GALNT14: variants seen among roughly 807,000 people sequenced by gnomAD.
GALNT14 encodes polypeptide N-acetylgalactosaminyltransferase 14, also known as UDP-GalNAc:polypeptide N-acetylgalactosaminyltransferase 14.
A neutral mutation model predicts 77.5 loss-of-function variants in GALNT14; 60 were observed. That is an observed-to-expected ratio of 0.77 (90% confidence interval 0.63 to 0.96). GALNT14 has a LOEUF of 0.96. Among genes scored for constraint, GALNT14 ranks in the 40% least tolerant of loss-of-function variants. The pLI is 0.00. For synonymous variants in GALNT14, 280 were observed against 281.7 expected, an observed-to-expected ratio of 0.99 and a Z score of 0.06; for missense variants, 710 against 731.0, an observed-to-expected ratio of 0.97 and a Z score of 0.33.
At chr2:31,075,259 C>T (rs1675691729) in intron 1 of GALNT14, among the ~76,000 whole-genome samples, 1 of 152,220 alleles carries the variant, frequency 6.6e-6, no homozygotes, top group Non-Finnish European at 1.5e-5. Context: ...ATGCCAGCAC[C>T]ACATTTCCTG....
intron 2 of GALNT14, among the ~76,000 whole-genome samples, chr2:30,981,631 C>T (rs536388177): frequency 2.7e-5 from 4 of 146,412 alleles, no homozygotes; most frequent in African/African-American, 1.0e-4. Flanking sequence ...GGGAAGTCTG[C>T]GAGGGGAAAG....
chr2:31,022,551 C>A (rs1029351547), intron 1 of GALNT14, among the ~76,000 whole-genome samples: 4 of 152,132 alleles, frequency 2.6e-5, no homozygotes, highest in African/African-American at 9.7e-5. Context: ...AACACTGCTA[C>A]AAAACAACGT....
At chr2:31,020,834 TC>T (rs57045635) in intron 1 of GALNT14, among the ~76,000 whole-genome samples, 2,576 of 152,334 alleles carry the variant, frequency 0.017, 75 homozygotes, top group African/African-American at 0.057. Flanking sequence ...CTTCAGCTGC[TC>T]TGAAGGGAGT....
At chr2:30,911,620 C>T (rs1192431671) in intron 14 of GALNT14, among the ~76,000 whole-genome samples, 1 of 152,176 alleles carries the variant, frequency 6.6e-6, no homozygotes, top group Non-Finnish European at 1.5e-5. Context: ...GTCACAGCTG[C>T]CCTGTGTAGT....
chr2:31,050,770 TTTTG>T (rs144627587), intron 1 of GALNT14, among the ~76,000 whole-genome samples: 3,228 of 48,334 alleles, frequency 0.067, 100 homozygotes, highest in African/African-American at 0.16. Flanking sequence ...GCAAAAAGTT[TTTTG>T]TTTTTTTTTT....
At chr2:31,046,977 C>T (rs143203516) in intron 1 of GALNT14, among the ~76,000 whole-genome samples, 16 of 152,302 alleles carry the variant, frequency 1.1e-4, no homozygotes, top group East Asian at 3.9e-4. Flanking sequence ...ACTAAAGTTC[C>T]GGGCAGTTGA....
At chr2:30,888,555 C>G in the GALNT14 span, among the ~76,000 whole-genome samples, 1 of 152,156 alleles carries the variant, frequency 6.6e-6, no homozygotes, top group Non-Finnish European at 1.5e-5. Flanking sequence ...ACAAATCTCA[C>G]TGGTCGCTGG....
At chr2:31,072,940 CAGA>C (rs1664052545) in intron 1 of GALNT14, 1 of 152,152 alleles carries the variant, frequency 6.6e-6, no homozygotes, top group Admixed American at 6.5e-5. Flanking sequence ...GTTAGATGCA[CAGA>C]AGATGTCAAC....
At chr2:31,022,894 C>T (rs1339248407) in intron 1 of GALNT14, among the ~76,000 whole-genome samples, 2 of 152,194 alleles carry the variant, frequency 1.3e-5, no homozygotes, top group African/African-American at 4.8e-5. Context: ...GGGTGCCCTG[C>T]CAGGCTACTG....
chr2:30,918,624 CGGGCAGGGAGGGTGGCATT>C lies in GALNT14; in HGVS notation c.1380+5476_1380+5494del, dbSNP rs1426685351. ...AAAGCACAGGAAGGAAGGGTGGCATCGGGCAGGGAGGGTGGCATTGGGCAGGGAGGATGGCATCGGGCAG... is the reference window on the plus strand; with the variant it reads ...AAAGCACAGGAAGGAAGGGTGGCATCGGGCAGGGAGGATGGCATCGGGCAG... On this transcript the variant is annotated intron_variant, in intron 13 of 14. Coordinates refer to ENST00000349752, the MANE Select transcript of GALNT14 (RefSeq NM_024572.4). Among the ~76,000 whole-genome samples, 14 of 149,714 alleles carry C rather than the reference CGGGCAGGGAGGGTGGCATT, an allele frequency of 9.4e-5. No homozygotes were observed. In the East Asian group the frequency reaches 2.6e-3, roughly 28 times the overall value.
chr2:30,901,885 G>A, the GALNT14 span, among the ~76,000 whole-genome samples: 2 of 152,148 alleles, frequency 1.3e-5, no homozygotes, highest in Non-Finnish European at 2.9e-5. Context: ...AGCATGGTTT[G>A]AGGTCTAAAT....
intron 6 of GALNT14, 135 bp downstream of exon 6, chr2:30,955,483 T>G (rs1002381952): frequency 3.8e-5 from 46 of 1,222,352 alleles, no homozygotes; most frequent in Non-Finnish European, 5.1e-5. Flanking sequence ...CCTTCATCAA[T>G]AAAATCGGGA....
At chr2:31,039,717 A>G (rs1032387542) in intron 1 of GALNT14, among the ~76,000 whole-genome samples, 1 of 152,176 alleles carries the variant, frequency 6.6e-6, no homozygotes, top group Admixed American at 6.5e-5. Flanking sequence ...TTATTCATAA[A>G]CATAGGAGGG....
intron 1 of GALNT14, among the ~76,000 whole-genome samples, chr2:31,042,936 G>T (rs1673190077): frequency 6.6e-6 from 1 of 151,980 alleles, no homozygotes; most frequent in Admixed American, 6.6e-5. Flanking sequence ...CCCTTGAATG[G>T]CTCCCCATTT....
chr2:31,043,892 G>A (rs1421334028), intron 1 of GALNT14, among the ~76,000 whole-genome samples: 4 of 152,138 alleles, frequency 2.6e-5, no homozygotes, highest in Non-Finnish European at 5.9e-5. Context: ...GATGAAATCA[G>A]TGGTGGGGTG....
chr2:31,010,806 T>G (rs923587445), intron 1 of GALNT14, among the ~76,000 whole-genome samples: 1 of 152,216 alleles, frequency 6.6e-6, no homozygotes, highest in African/African-American at 2.4e-5. Context: ...CTGGCCGTTC[T>G]TCCCTTTCTC....
intron 1 of GALNT14, among the ~76,000 whole-genome samples, chr2:31,134,312 T>G (rs1679126040): frequency 6.6e-6 from 1 of 152,164 alleles, no homozygotes; most frequent in Non-Finnish European, 1.5e-5. Context: ...AAAAGCTGAC[T>G]CCCTCACCCA....
chr2:31,034,546 T>C (rs1182039939), intron 1 of GALNT14, among the ~76,000 whole-genome samples: 2 of 150,742 alleles, frequency 1.3e-5, no homozygotes, highest in African/African-American at 4.9e-5. Flanking sequence ...TTGATCTTTT[T>C]CTAGTTGTTT....
intron 1 of GALNT14, among the ~76,000 whole-genome samples, chr2:31,052,385 G>A (rs1673928896): frequency 1.3e-5 from 2 of 152,186 alleles, no homozygotes; most frequent in South Asian, 4.1e-4. Context: ...TCACATCCTA[G>A]GGGTCACTAG....
Sources: allele counts gnomAD v4.1 joint callset (sites outside exome capture counted in the v4.1 genomes callset), GRCh38; gene constraint gnomAD v4.1.1; transcripts MANE v1.5; gene names NCBI Gene and HGNC (gene_info 2026-07-23, HGNC 2026-07-21).